PRSS21: variants seen among roughly 807,000 people sequenced by gnomAD.
The protein encoded by PRSS21 is testisin.
PRSS21 carries 40 observed loss-of-function variants against 31.1 expected under a neutral mutation model. That is an observed-to-expected ratio of 1.29 (90% confidence interval 1.00 to 1.68). The LOEUF (loss-of-function observed/expected upper bound fraction) is 1.68. Ranked by LOEUF, PRSS21 falls within the 40% of genes most tolerant of loss-of-function variation. The pLI is 0.00. For synonymous variants in PRSS21, 186 were observed against 167.7 expected (o/e 1.11, Z -0.84); for missense variants, 467 against 412.6 (o/e 1.13, Z -1.14).
At chr16:2,818,117 G>T (rs1419313793) in intron 3 of PRSS21, 151 bp downstream of exon 3, 7 of 1,033,076 alleles carry the variant, frequency 6.8e-6, no homozygotes, top group Non-Finnish European at 9.7e-6. Flanking sequence ...CCCAGGCTGT[G>T]CTGCAGCCGG....
chr16:2,817,638 C>T lies in PRSS21; in HGVS notation c.92-163C>T. On this transcript the variant is annotated intron_variant, in intron 2 of 5. Coordinates refer to ENST00000005995, the MANE Select transcript of PRSS21 (RefSeq NM_006799.4). The surrounding 1 kb of genome is among the most constrained non-coding windows in gnomAD (Gnocchi z 4.2). ...GGGGATGGGCGGGCCCTGCAGAGCA[C>T]GTGGGAGGATCTCCAGTGTCACCTA... The T allele has an allele frequency of 8.0e-7, 1 of 1,256,172 alleles. No individual in the cohort carries two copies. 77.8% of individuals were successfully genotyped at this position (1,256,172 alleles called of 1,614,324 possible).
chr16:2,821,426 G>C lies in PRSS21; in HGVS notation c.766G>C (p.Val256Leu), dbSNP rs766212468. 1 of 1,614,214 alleles carries C rather than the reference G, an allele frequency of 6.2e-7. No individual in the cohort carries two copies. Among genetic ancestry groups the C allele is most frequent in the South Asian group, 1.1e-5 (1 of 91,090 alleles). Residue 256 changes from valine (V) to leucine (L), a missense_variant, in exon 6 of 6, where the codon GTG becomes CTG. Coordinates refer to ENST00000005995, the MANE Select transcript of PRSS21 (RefSeq NM_006799.4). ...TGGACTGTGGTATCAGATTGGAGTC[G>C]TGAGCTGGGGAGTGGGCTGTGGTCG... ...KNGLWYQIGV[V>L]SWGVGCGRPN...
chr16:2,820,727 G>A (rs954454879), intron 4 of PRSS21, among the ~76,000 whole-genome samples: 2 of 152,182 alleles, frequency 1.3e-5, no homozygotes, highest in Non-Finnish European at 2.9e-5. Context: ...CTACAGATAG[G>A]GAAAGTGCGG....
At chr16:2,819,465 G>A (rs760576157) in intron 4 of PRSS21, among the ~76,000 whole-genome samples, 23 of 152,182 alleles carry the variant, frequency 1.5e-4, no homozygotes, top group Non-Finnish European at 2.6e-4. Flanking sequence ...TGGTGGGCCT[G>A]CCCTGGCACC....
Position 2,817,625 on chromosome 16 carries a change from G to A in PRSS21, c.91+169G>A, listed in dbSNP as rs893448457. On this transcript the variant is annotated intron_variant, in intron 2 of 5. Coordinates refer to ENST00000005995, the MANE Select transcript of PRSS21 (RefSeq NM_006799.4). This position sits in a 1 kb window ranked among gnomAD's most constrained non-coding sequence, Gnocchi z 4.2. ...ACGGACGCTGGAGGGGGATGGGCGG[G>A]CCCTGCAGAGCACGTGGGAGGATCT... 2 of 1,260,426 alleles carry A rather than the reference G, an allele frequency of 1.6e-6. No homozygotes were observed. The highest frequency in any genetic ancestry group is 3.0e-5 in the African/African-American group (2 of 67,018). 78.1% of individuals were successfully genotyped at this position (1,260,426 alleles called of 1,614,324 possible).
Position 2,817,952 on chromosome 16 carries a change from G to A in PRSS21, c.243G>A (p.Ala81=), listed in dbSNP as rs372642523. The A allele has an allele frequency of 5.4e-5, 83 of 1,548,758 alleles. No homozygotes were observed. In the African/African-American group the frequency reaches 9.4e-4, roughly 18 times the overall value. ...GCCACCGCTGGGCACTCACGGCGGC[G>A]CACTGCTTTGAAACGTGAGTGGGGG... is the stretch of plus-strand genomic sequence containing the variant. The part of the protein sequence containing the change: ...LLSHRWALTA[A]HCFETYSDLS... The change falls in exon 3 of 6, where the codon GCG becomes GCA. Residue 81 remains alanine, a synonymous_variant. Transcript: ENST00000005995. This position sits in a 1 kb window ranked among gnomAD's most constrained non-coding sequence, Gnocchi z 4.2.
At chr16:2,820,856 A>C (rs2150812351) in intron 4 of PRSS21, 99 bp from the exon 5 acceptor site, 1 of 1,266,142 alleles carries the variant, frequency 7.9e-7, no homozygotes, top group Non-Finnish European at 1.1e-6. Context: ...TGCCAGGCAC[A>C]GTGGGTGCCC....
At chr16:2,820,421 C>G (rs1365320449) in intron 4 of PRSS21, among the ~76,000 whole-genome samples, 8 of 152,194 alleles carry the variant, frequency 5.3e-5, no homozygotes. Context: ...TCCCCAGTGC[C>G]TTGCTGGGGG....
chr16:2,817,510 G>A lies in PRSS21; in HGVS notation c.91+54G>A, dbSNP rs1300628084. 2.1e-6 allele frequency: 3 copies of A among 1,463,260 alleles called. No homozygotes were observed. Among genetic ancestry groups the A allele is most frequent in the Non-Finnish European group, 1.8e-6 (2 of 1,104,754 alleles). 90.6% of individuals were successfully genotyped at this position (1,463,260 alleles called of 1,614,324 possible). A position where few individuals can be genotyped will look rare whatever the true frequency, so the allele number is the denominator to read the frequency against. ...CCAGGGCCGTTGGGCCGAGGTGGAC[G>A]GGGGGCGGTGAGGGGGTAGAGGGGG... On this transcript the variant is annotated intron_variant, in intron 2 of 5. Coordinates refer to ENST00000005995, the MANE Select transcript of PRSS21 (RefSeq NM_006799.4). This position sits in a 1 kb window ranked among gnomAD's most constrained non-coding sequence, Gnocchi z 4.2.
chr16:2,817,417 T>C lies in PRSS21; in HGVS notation c.65-13T>C. 1 of 1,596,900 alleles carries C rather than the reference T, an allele frequency of 6.3e-7. No individual in the cohort carries two copies. Among genetic ancestry groups the C allele is most frequent in the Non-Finnish European group, 8.5e-7 (1 of 1,176,250 alleles). ...GGTGGAGGCCGCGGGGAGTCACTTC[T>C]TGTCTCCCGCAGAGTCGCAGGAGGC... On this transcript the variant is annotated splice_polypyrimidine_tract_variant and intron_variant, in intron 1 of 5. Transcript: ENST00000005995. The surrounding 1 kb of genome is among the most constrained non-coding windows in gnomAD (Gnocchi z 4.2).
chr16:2,821,187 C>T, intron 5 of PRSS21, 78 bp downstream of exon 5: 1 of 1,579,944 alleles, frequency 6.3e-7, no homozygotes, highest in Non-Finnish European at 8.6e-7. Flanking sequence ...CATGCCAACC[C>T]CGGGAGGTGG....
At chr16:2,820,534 T>C (rs2069152592) in intron 4 of PRSS21, among the ~76,000 whole-genome samples, 1 of 152,030 alleles carries the variant, frequency 6.6e-6, no homozygotes, top group Non-Finnish European at 1.5e-5. Flanking sequence ...TGCAACAAGC[T>C]TGTGTCCAGG....
At position 2,817,559 on chromosome 16, in the gene PRSS21, G is replaced by GC. The variant is rs1275453568; in HGVS notation, c.91+108dup. The GC allele has an allele frequency of 3.5e-6, 5 of 1,432,144 alleles. No individual in the cohort carries two copies. The African/African-American group carries it at 5.7e-5, about 16-fold the overall frequency. The allele number at this position is 1,432,144 out of a possible 1,614,324, so 88.7% of individuals were successfully genotyped here. ...GGGCCTTTACTGCTCTCTCGCCCCC[G>GC]CCCCCGGGATCGAGAACTCTGTTGG... On this transcript the variant is annotated intron_variant, in intron 2 of 5. Coordinates refer to ENST00000005995, the MANE Select transcript of PRSS21 (RefSeq NM_006799.4). This position sits in a 1 kb window ranked among gnomAD's most constrained non-coding sequence, Gnocchi z 4.2.
chr16:2,819,008 T>A (rs2069128815), intron 4 of PRSS21, 39 bp downstream of exon 4: 1 of 1,603,316 alleles, frequency 6.2e-7, no homozygotes, highest in African/African-American at 1.3e-5. Flanking sequence ...GGAACTGTCT[T>A]TGTTCACCTG....
Position 2,818,878 on chromosome 16 carries a change from C to G in PRSS21, c.459C>G (p.Ile153Met). 1 of 1,614,212 alleles carries G rather than the reference C, an allele frequency of 6.2e-7. No individual in the cohort carries two copies. Among genetic ancestry groups the G allele is most frequent in the Middle Eastern group, 1.6e-4 (1 of 6,062 alleles). ...CACCTGTCACCTACACTAAACACAT[C>G]CAGCCCATCTGTCTCCAGGCCTCCA... is the stretch of plus-strand genomic sequence containing the variant. ...LSAPVTYTKH[I>M]QPICLQASTF... Residue 153 changes from isoleucine (I) to methionine (M), a missense_variant, in exon 4 of 6, where the codon ATC becomes ATG. Coordinates refer to ENST00000005995, the MANE Select transcript of PRSS21 (RefSeq NM_006799.4).
Position 2,817,517 on chromosome 16 carries a change from GGTGAGGGGGTAGA to G in PRSS21, c.91+63_91+75del. 1 of 1,304,082 alleles carries G rather than the reference GGTGAGGGGGTAGA, an allele frequency of 7.7e-7. No individual in the cohort carries two copies. 80.8% of individuals were successfully genotyped at this position (1,304,082 alleles called of 1,614,324 possible). A position where few individuals can be genotyped will look rare whatever the true frequency, so the allele number is the denominator to read the frequency against. On this transcript the variant is annotated intron_variant, in intron 2 of 5. Transcript: ENST00000005995. This position sits in a 1 kb window ranked among gnomAD's most constrained non-coding sequence, Gnocchi z 4.2. ...CGTTGGGCCGAGGTGGACGGGGGGC[GGTGAGGGGGTAGA>G]GGGGGGCCTTTACTGCTCTCTCGCC... is the stretch of plus-strand genomic sequence containing the variant.
intron 4 of PRSS21, among the ~76,000 whole-genome samples, 176 bp downstream of exon 4, chr16:2,819,145 T>A (rs922829876): frequency 3.9e-5 from 6 of 152,160 alleles, no homozygotes; most frequent in African/African-American, 1.4e-4. Context: ...TTCCAGGGGC[T>A]GTGGGGGCCA....
chr16:2,817,940 A>C lies in PRSS21; in HGVS notation c.231A>C (p.Ala77=). ...TGAGCCTGCTCAGCCACCGCTGGGC[A>C]CTCACGGCGGCGCACTGCTTTGAAA... ...CGVSLLSHRW[A]LTAAHCFETY... Residue 77 remains alanine, a synonymous_variant, in exon 3 of 6, where the codon GCA becomes GCC. Transcript: ENST00000005995. The surrounding 1 kb of genome is among the most constrained non-coding windows in gnomAD (Gnocchi z 4.2). The C allele has an allele frequency of 1.3e-6, 2 of 1,549,278 alleles. No individual in the cohort carries two copies. Among genetic ancestry groups the C allele is most frequent in the South Asian group, 2.4e-5 (2 of 84,032 alleles).
chr16:2,821,336 C>G (rs144171827), intron 5 of PRSS21, 30 bp from the exon 6 acceptor site: 2 of 1,612,518 alleles, frequency 1.2e-6, no homozygotes, highest in Admixed American at 1.7e-5. Flanking sequence ...CACTCTGCCC[C>G]AGGCTGACCT....
Sources: gnomAD v4.1 joint callset for allele counts (sites outside exome capture counted in the v4.1 genomes callset) on GRCh38, gnomAD v4.1.1 for gene constraint, Gnocchi (gnomAD v3.1) non-coding constraint, MANE v1.5 for transcripts, NCBI Gene and HGNC (gene_info 2026-07-23, HGNC 2026-07-21) for gene names.